ZNF665: variants seen among roughly 807,000 people sequenced by gnomAD.
ZNF665 encodes zinc finger protein 665.
Under a neutral mutation model 7.9 loss-of-function variants are expected in ZNF665, and 6 were observed. That is an observed-to-expected ratio of 0.76 (90% confidence interval 0.42 to 1.50). The LOEUF (loss-of-function observed/expected upper bound fraction) is 1.50. ZNF665 is among the 40% of genes most tolerant of loss of function. The probability of loss-of-function intolerance (pLI) is 0.01; values close to 1 mark genes in which losing one functional copy is unlikely to be tolerated. For missense variants in ZNF665, 819 were observed against 806.7 expected, an observed-to-expected ratio of 1.02 and a Z score of -0.18; for synonymous variants, 242 against 274.5, an observed-to-expected ratio of 0.88 and a Z score of 1.17.
chr19:53,165,801 C>T lies in ZNF665; in HGVS notation c.689G>A (p.Gly230Glu). ...NLTIHQVIHT[G>E]EKPYKCNECG... ...TTCATTACATTTGTAAGGTTTTTCT[C>T]CAGTATGGATGACCTGATGGATTGT... Residue 230 changes from glycine (G) to glutamate (E), a missense_variant, in exon 4 of 4, where the codon GGA becomes GAA. By Grantham distance (98) the Gly-to-Glu change is moderately conservative. Coordinates refer to ENST00000396424, the MANE Select transcript of ZNF665 (RefSeq NM_024733.5). 1 of 1,614,090 alleles carries T rather than the reference C, an allele frequency of 6.2e-7. No individual in the cohort carries two copies. Among genetic ancestry groups the T allele is most frequent in the Non-Finnish European group, 8.5e-7 (1 of 1,180,020 alleles).
rs10409924 is a variant in ZNF665 at position 53,165,296 on chromosome 19, T to A, written c.1194A>T (p.Gly398=). ...ATTCATTACATTTGAAAGGCTTTTC[T>A]CCGGTATGGATGATCTGATGCTTAG... The part of the protein sequence containing the change: ...NLTKHQIIHT[G]EKPFKCNECV... Residue 398 remains glycine, a synonymous_variant, in exon 4 of 4, where the codon GGA becomes GGT. Transcript: ENST00000396424. 7.2e-5 allele frequency: 117 copies of A among 1,613,968 alleles called. No homozygotes were observed. The African/African-American group carries it at 1.5e-3, about 20-fold the overall frequency.
intron 3 of ZNF665, among the ~76,000 whole-genome samples, chr19:53,170,440 A>G (rs1009421918): frequency 1.5e-4 from 23 of 152,320 alleles, no homozygotes; most frequent in Non-Finnish European, 3.1e-4. Context: ...AACGACAAAC[A>G]TCTTCCTAAT....
rs1167005357 is a variant in ZNF665, at chr19:53,165,616, A to C, written c.874T>G (p.Cys292Gly). 1.2e-6 allele frequency: 2 copies of C among 1,613,946 alleles called. No homozygotes were observed. Among genetic ancestry groups the C allele is most frequent in the African/African-American group, 2.7e-5 (2 of 74,886 alleles). ...GTGAAGCACTTGCCACATTCCTTAC[A>C]TTTGTAAGGTTTTTCTCCAGTATGG... ...VIHTGEKPYK[C>G]KECGKCFTQN... Residue 292 changes from cysteine to glycine, a missense_variant, in exon 4 of 4, where the codon TGT becomes GGT. By Grantham distance (159) the Cys-to-Gly change is radical. Transcript: ENST00000396424.
At chr19:53,183,269 C>T (rs2146879027) in intron 1 of ZNF665, among the ~76,000 whole-genome samples, 1 of 152,220 alleles carries the variant, frequency 6.6e-6, no homozygotes, top group Non-Finnish European at 1.5e-5. Flanking sequence ...CTGACCAAAC[C>T]CCATGCTGAG....
rs2090689676 is a variant in ZNF665 at position 53,175,458 on chromosome 19, G to T, written c.129C>A (p.Asn43Lys). Reference sequence around the variant, plus strand: ...AGTCATCCTCACCCAGGGAGACCAGGTTCCTATAATTCTCCAACATGACGT... The same window carrying T: ...AGTCATCCTCACCCAGGGAGACCAGTTTCCTATAATTCTCCAACATGACGT... ...YRDVMLENYRNLVSLDISCKC... is the reference protein window; with the variant it reads ...YRDVMLENYRKLVSLDISCKC... The change falls in exon 3 of 4, where the codon AAC becomes AAA. Residue 43 changes from asparagine to lysine, a missense_variant. By Grantham distance (94) the Asn-to-Lys change is moderately conservative. Transcript: ENST00000396424. 4 of 1,611,282 alleles carry T rather than the reference G, an allele frequency of 2.5e-6. No homozygotes were observed. Among genetic ancestry groups the T allele is most frequent in the Non-Finnish European group, 3.4e-6 (4 of 1,179,126 alleles).
intron 2 of ZNF665, among the ~76,000 whole-genome samples, chr19:53,178,825 T>C (rs910800623): frequency 5.3e-5 from 8 of 152,144 alleles, no homozygotes; most frequent in Admixed American, 2.0e-4. Flanking sequence ...TTGCATAAAG[T>C]AGTATAATAT....
At chr19:53,175,831 A>G (rs1269392383) in intron 2 of ZNF665, among the ~76,000 whole-genome samples, 1 of 152,182 alleles carries the variant, frequency 6.6e-6, no homozygotes, top group Non-Finnish European at 1.5e-5. Flanking sequence ...AGATAGCTTC[A>G]GGGTGTGGGC....
At chr19:53,177,812 G>A (rs1263406684) in intron 2 of ZNF665, among the ~76,000 whole-genome samples, 3 of 152,176 alleles carry the variant, frequency 2.0e-5, no homozygotes, top group African/African-American at 7.2e-5. Context: ...TCCTTTACGT[G>A]TACTAACACA....
intron 2 of ZNF665, chr19:53,179,790 A>G (rs2090725223): frequency 6.6e-6 from 1 of 152,102 alleles, no homozygotes; most frequent in African/African-American, 2.4e-5. Context: ...GCAACTGGGA[A>G]CTGAGCCATC....
At chr19:53,171,517 TATATATA>T in intron 3 of ZNF665, among the ~76,000 whole-genome samples, 1 of 85,214 alleles carries the variant, frequency 1.2e-5, no homozygotes, top group African/African-American at 4.8e-5. Context: ...TATATATATA[TATATATA>T]TTTTTTTTTT....
At chr19:53,174,927 A>G (rs1025870518) in intron 3 of ZNF665, among the ~76,000 whole-genome samples, 5 of 150,600 alleles carry the variant, frequency 3.3e-5, no homozygotes, top group Non-Finnish European at 7.4e-5. Flanking sequence ...CCTGGGTGAC[A>G]AGGGTGAAAC....
At chr19:53,168,407 C>G (rs911441514) in intron 3 of ZNF665, among the ~76,000 whole-genome samples, 3 of 152,022 alleles carry the variant, frequency 2.0e-5, no homozygotes, top group African/African-American at 7.2e-5. Context: ...TATGAAGAAC[C>G]TATACACTAA....
chr19:53,165,264 T>G lies in ZNF665; in HGVS notation c.1226A>C (p.Lys409Thr), dbSNP rs372574561. Reference protein sequence around the residue: ...EKPFKCNECVKVFTQYSHLAN... With the variant: ...EKPFKCNECVTVFTQYSHLAN... ...TAAGTGTGAATACTGAGTGAAAACC[T>G]TGACGCATTCATTACATTTGAAAGG... The change falls in exon 4 of 4, where the codon AAG becomes ACG. Residue 409 changes from lysine (K) to threonine (T), a missense_variant. Transcript: ENST00000396424. The G allele has an allele frequency of 1.9e-6, 3 of 1,613,092 alleles. No homozygotes were observed. In the Admixed American group the frequency reaches 5.0e-5, roughly 27 times the overall value.
intron 2 of ZNF665, among the ~76,000 whole-genome samples, chr19:53,178,628 G>A (rs2090715187): frequency 6.6e-6 from 1 of 152,138 alleles, no homozygotes; most frequent in Non-Finnish European, 1.5e-5. Flanking sequence ...CAAGAAATGA[G>A]AGAATGTTGG....
At chr19:53,182,527 C>T (rs1322754883) in intron 2 of ZNF665, 2 of 647,754 alleles carry the variant, frequency 3.1e-6, no homozygotes, top group Non-Finnish European at 5.6e-6. Context: ...CATCTGACTT[C>T]ATAACCAGCT....
chr19:53,165,418 T>C lies in ZNF665; in HGVS notation c.1072A>G (p.Asn358Asp). 1.2e-6 allele frequency: 2 copies of C among 1,613,418 alleles called. No homozygotes were observed. The change falls in exon 4 of 4, where the codon AAT (asparagine) becomes GAT (aspartate). Residue 358 changes from asparagine (N) to aspartate (D), a missense_variant. By Grantham distance (23) the Asn-to-Asp change is conservative. Coordinates refer to ENST00000396424, the MANE Select transcript of ZNF665 (RefSeq NM_024733.5). ...CGCCGATGCTTTGCAAGGTATGAAT[T>C]GTGCCTGAAGACCTTGCCACATTCA... ...CNECGKVFRH[N>D]SYLAKHRRIH...
chr19:53,183,958 A>C (rs1174952147), intron 1 of ZNF665, among the ~76,000 whole-genome samples: 1 of 152,180 alleles, frequency 6.6e-6, no homozygotes, highest in African/African-American at 2.4e-5. Context: ...ACACCTCCAA[A>C]GAATGTTTAA....
At chr19:53,179,233 A>G (rs554693449) in intron 2 of ZNF665, among the ~76,000 whole-genome samples, 6 of 152,068 alleles carry the variant, frequency 3.9e-5, no homozygotes, top group Admixed American at 1.3e-4. Context: ...TAAATTAGCC[A>G]GGCGTGGTGG....
At chr19:53,173,840 G>A (rs1007250008) in intron 3 of ZNF665, among the ~76,000 whole-genome samples, 1 of 152,088 alleles carries the variant, frequency 6.6e-6, no homozygotes, top group African/African-American at 2.4e-5. Flanking sequence ...AAAAAAACAG[G>A]ATACATGCCC....
Sources: gnomAD v4.1 joint callset for allele counts (sites outside exome capture counted in the v4.1 genomes callset) on GRCh38, gnomAD v4.1.1 for gene constraint, MANE v1.5 for transcripts, NCBI Gene and HGNC (gene_info 2026-07-23, HGNC 2026-07-21) for gene names.